ODF2: variants seen among roughly 807,000 people sequenced by gnomAD.
ODF2 encodes outer dense fiber of sperm tails 2, also known as outer dense fiber protein 2.
Under a neutral mutation model 110.2 loss-of-function variants are expected in ODF2, and 47 were observed. The observed-to-expected ratio is 0.43, with a 90% confidence interval of 0.34 to 0.54. ODF2 has a LOEUF of 0.54. ODF2 is among the 20% of genes least tolerant of loss of function. The probability of loss-of-function intolerance (pLI) is 0.03; values close to 1 mark genes in which losing one functional copy is unlikely to be tolerated. For synonymous variants in ODF2, 352 were observed against 397.7 expected (o/e 0.89, Z 1.37); for missense variants, 812 against 1,054.5 (o/e 0.77, Z 3.19).
At chr9:128,497,448 T>C (rs71481346) in intron 18 of ODF2, 5 of 25,042 alleles carry the variant, frequency 2.0e-4, no homozygotes, top group African/African-American at 1.1e-3. Context: ...AAAAAAAAAA[T>C]ATATATATAT....
At chr9:128,482,273 C>A (rs559220546) in intron 9 of ODF2, among the ~76,000 whole-genome samples, 2 of 152,304 alleles carry the variant, frequency 1.3e-5, no homozygotes, top group African/African-American at 4.8e-5. Context: ...GCCTCTGATG[C>A]TTAGTTGAGG....
intron 17 of ODF2, among the ~76,000 whole-genome samples, chr9:128,495,099 C>CA (rs1845361355): frequency 6.6e-6 from 1 of 152,220 alleles, no homozygotes; most frequent in Admixed American, 6.5e-5. Context: ...AGCAAGCATC[C>CA]CTTTCTCCCA....
chr9:128,483,380 C>T lies in ODF2; in HGVS notation c.987+493C>T, dbSNP rs138731188. Among the ~76,000 whole-genome samples, 542 of 151,922 alleles carry T rather than the reference C, an allele frequency of 3.6e-3. 3 individuals are homozygous for T. The highest frequency in any genetic ancestry group is 0.012 in the African/African-American group (497 of 41,412). ...TTGAGGCCAGGAGTTTGAGACTGTC[C>T]TGGGCAACACAGGGAGACCCCATCT... On this transcript the variant is annotated intron_variant, in intron 10 of 20. Coordinates refer to ENST00000604420, the Ensembl canonical transcript of ODF2.
exon 14 of ODF2, chr9:128,487,921 A>G: frequency 1.9e-6 from 3 of 1,613,944 alleles, no homozygotes; most frequent in Non-Finnish European, 2.5e-6. Context: ...CCAACAACAA[A>G]CCCTGGAGGA....
At chr9:128,500,483 C>T (rs1846340249) in exon 21 of ODF2, 1 of 516,226 alleles carries the variant, frequency 1.9e-6, no homozygotes, top group Non-Finnish European at 3.4e-6. Flanking sequence ...GTTAAAATTT[C>T]CTCGACAGGC....
chr9:128,468,858 C>T lies in ODF2; in HGVS notation c.250-325C>T, dbSNP rs192927061. ...TTTTACTTTTATAGAGACAAGGTCT[C>T]GCTATGTTGCTGAGGCTGGTTTTGG... On this transcript the variant is annotated intron_variant, in intron 4 of 20. Coordinates refer to ENST00000604420, the Ensembl canonical transcript of ODF2. The T allele has an allele frequency of 2.6e-4, 68 of 258,794 alleles. No individual in the cohort carries two copies. The East Asian group carries it at 5.6e-3, about 21-fold the overall frequency. The allele number at this position is 258,794 out of a possible 1,614,324, so 16.0% of individuals were successfully genotyped here. A position where few individuals can be genotyped will look rare whatever the true frequency, so the allele number is the denominator to read the frequency against.
chr9:128,458,772 C>T (rs1055708627), intron 2 of ODF2, among the ~76,000 whole-genome samples: 2 of 151,988 alleles, frequency 1.3e-5, no homozygotes, highest in Non-Finnish European at 2.9e-5. Flanking sequence ...ATATTTGAGC[C>T]TTAATTTGAT....
intron 4 of ODF2, among the ~76,000 whole-genome samples, chr9:128,466,434 T>C (rs1284888170): frequency 6.7e-6 from 1 of 148,386 alleles, no homozygotes; most frequent in Non-Finnish European, 1.5e-5. Context: ...GCTACTGCAC[T>C]CCAGGCTGCT....
intron 14 of ODF2, 127 bp from the exon 15 acceptor site, chr9:128,492,299 A>C: frequency 1.5e-6 from 1 of 683,772 alleles, no homozygotes; most frequent in Non-Finnish European, 2.7e-6. Flanking sequence ...TGCTTCTCTC[A>C]GGGAAAGTGC....
intron 12 of ODF2, 30 bp downstream of exon 12, chr9:128,484,916 C>T (rs1265943892): frequency 1.9e-6 from 3 of 1,606,750 alleles, no homozygotes; most frequent in Non-Finnish European, 1.7e-6. Context: ...CAGCTCCTCA[C>T]CTGCCCTGAG....
At chr9:128,469,500 G>A (rs914010421) in intron 5 of ODF2, 147 bp downstream of exon 5, 11 of 760,160 alleles carry the variant, frequency 1.4e-5, no homozygotes, top group Admixed American at 7.4e-5. Context: ...TGCCTGCCCC[G>A]GGAGGTAGCT....
At chr9:128,473,474 C>T (rs950363445) in intron 7 of ODF2, 136 bp from the exon 8 acceptor site, 14 of 1,388,256 alleles carry the variant, frequency 1.0e-5, no homozygotes, top group Non-Finnish European at 1.2e-5. Context: ...GGAAACCTGC[C>T]CTTGATCACC....
rs775902352 is a variant in ODF2, at chr9:128,492,805, G to A, written c.1752G>A (p.Ala584=). The A allele has an allele frequency of 5.2e-5, 84 of 1,611,428 alleles. 1 individual carries two copies. The highest frequency in any genetic ancestry group is 1.5e-4 in the African/African-American group (11 of 74,814). Reference sequence around the variant, plus strand: ...ATGAGATGAACAAAGAGATTGAGGCGGTACTGCTTTCCTTCCTTGTTTTCT... The same window carrying A: ...ATGAGATGAACAAAGAGATTGAGGCAGTACTGCTTTCCTTCCTTGTTTTCT... Residue 584 remains alanine (A), a splice_region_variant and synonymous_variant, in exon 16 of 21, where the codon GCG becomes GCA. Coordinates refer to ENST00000604420, the Ensembl canonical transcript of ODF2.
At chr9:128,470,046 T>TATATATATATATAA (rs1273553014) in intron 5 of ODF2, among the ~76,000 whole-genome samples, 7 of 56,664 alleles carry the variant, frequency 1.2e-4, no homozygotes, top group African/African-American at 2.6e-4. Context: ...TATATATATA[T>TATATATATATATAA]AAATAAAAAA....
chr9:128,457,334 C>T, exon 2 of ODF2: 1 of 1,611,102 alleles, frequency 6.2e-7, no homozygotes. Flanking sequence ...ATTGACAAGC[C>T]TGCCCCTCTG....
In ODF2 at chr9:128,460,884, G is replaced by A. The variant is rs1158582744; in HGVS notation, c.124-58G>A. 11 of 1,610,946 alleles carry A rather than the reference G, an allele frequency of 6.8e-6. No individual in the cohort carries two copies. In the Admixed American group the frequency reaches 8.3e-5, roughly 12 times the overall value. The stretch of plus-strand genomic sequence containing the variant: ...TGCTAGTCGGAGAGGGATGTCACTA[G>A]CGTGGCACCGTGGCCAGCTGGGTGT... On this transcript the variant is annotated intron_variant, in intron 3 of 20. Transcript: ENST00000604420.
chr9:128,485,284 C>T lies in ODF2; in HGVS notation c.1291-81C>T. 1 of 753,318 alleles carries T rather than the reference C, an allele frequency of 1.3e-6. No individual in the cohort carries two copies. The highest frequency in any genetic ancestry group is 2.3e-6 in the Non-Finnish European group (1 of 436,294). The allele number at this position is 753,318 out of a possible 1,614,324, so 46.7% of individuals were successfully genotyped here. A position where few individuals can be genotyped will look rare whatever the true frequency, so the allele number is the denominator to read the frequency against. On this transcript the variant is annotated intron_variant, in intron 12 of 20. Transcript: ENST00000604420. This position sits in a 1 kb window ranked among gnomAD's most constrained non-coding sequence, Gnocchi z 5.0. ...TTTAGGTTACCAGGGTGAGAAACCA[C>T]CTAGGATGAGCCCGCTCCCAGCTCC...
intron 10 of ODF2, among the ~76,000 whole-genome samples, chr9:128,483,683 G>C (rs563797538): frequency 1.3e-5 from 2 of 151,874 alleles, no homozygotes. Context: ...TCAGGAGATC[G>C]AGACCAGTCT....
exon 3 of ODF2, chr9:128,459,572 C>T (rs749849387): frequency 6.2e-7 from 1 of 1,613,560 alleles, no homozygotes; most frequent in Non-Finnish European, 8.5e-7. Flanking sequence ...TGCAGGTTTC[C>T]ATCGTGTGGG....
Sources: gnomAD v4.1 joint callset for allele counts (sites outside exome capture counted in the v4.1 genomes callset) on GRCh38, gnomAD v4.1.1 for gene constraint, Gnocchi (gnomAD v3.1) non-coding constraint, MANE v1.5 for transcripts, NCBI Gene and HGNC (gene_info 2026-07-23, HGNC 2026-07-21) for gene names.